The following FRAS1 variants were observed in gnomAD, a reference collection of about 807,000 sequenced individuals.
FRAS1 encodes the protein Fraser extracellular matrix complex subunit 1.
FRAS1 carries 290 observed loss-of-function variants against 435.2 expected under a neutral mutation model. The observed-to-expected ratio is 0.67, with a 90% CI of 0.61 to 0.73. FRAS1 has a LOEUF of 0.73. Ranked by LOEUF, FRAS1 falls within the 30% of genes least tolerant of loss-of-function variation. FRAS1 has a pLI of 0.00. For synonymous variants in FRAS1, 1,800 were observed against 1,851.0 expected, an observed-to-expected ratio of 0.97 and a Z score of 0.71; for missense variants, 4,860 against 5,001.5, an observed-to-expected ratio of 0.97 and a Z score of 0.85.
intron 2 of FRAS1, among the ~76,000 whole-genome samples, chr4:78,122,302 T>G (rs185715213): frequency 7.2e-5 from 11 of 152,280 alleles, no homozygotes; most frequent in East Asian, 5.8e-4. Flanking sequence ...CAAAGGACAT[T>G]AACTCATCCT....
chr4:78,478,248 C>T (rs1310926636), intron 55 of FRAS1, among the ~76,000 whole-genome samples, 187 bp downstream of exon 55: 17 of 152,154 alleles, frequency 1.1e-4, no homozygotes, highest in Admixed American at 1.1e-3. Flanking sequence ...CATCAGAAAG[C>T]CTCTTTTCTT....
In FRAS1 at chr4:78,499,670, T is replaced by C. The variant is rs1720616577; in HGVS notation, c.9116-51T>C. 2.0e-6 allele frequency: 3 copies of C among 1,519,740 alleles called. No individual in the cohort carries two copies. The South Asian group carries it at 3.6e-5, about 18-fold the overall frequency. The allele number at this position is 1,519,740 out of a possible 1,614,324, so 94.1% of individuals were successfully genotyped here. A position where few individuals can be genotyped will look rare whatever the true frequency, so the allele number is the denominator to read the frequency against. ...TAAGGTGTTTTCCTGGGAGTCTGAA[T>C]CCTTTGTGCTATTCTAACTGGCTCT... On this transcript the variant is annotated intron_variant, in intron 60 of 73. Transcript: ENST00000512123.
chr4:78,218,789 G>A (rs1449393958), intron 2 of FRAS1, among the ~76,000 whole-genome samples: 1 of 152,206 alleles, frequency 6.6e-6, no homozygotes, highest in African/African-American at 2.4e-5. Flanking sequence ...TTGTTTGGGA[G>A]ATTAGTGAGA....
intron 6 of FRAS1, among the ~76,000 whole-genome samples, chr4:78,260,575 G>A (rs546382791): frequency 6.6e-6 from 1 of 151,898 alleles, no homozygotes; most frequent in East Asian, 1.9e-4. Context: ...CTTTGCTGAA[G>A]TTGCTTATCA....
intron 56 of FRAS1, 142 bp from the exon 57 acceptor site, chr4:78,481,662 G>A: frequency 1.2e-6 from 1 of 849,550 alleles, no homozygotes; most frequent in Non-Finnish European, 1.9e-6. Context: ...ATGGGCCATA[G>A]GAGCATCACT....
chr4:78,358,413 T>C (rs1482109484), intron 20 of FRAS1, among the ~76,000 whole-genome samples: 1 of 152,194 alleles, frequency 6.6e-6, no homozygotes, highest in Non-Finnish European at 1.5e-5. Flanking sequence ...ATTTATAATA[T>C]CAATTAAGAA....
At chr4:78,477,038 A>G (rs1719873228) in intron 54 of FRAS1, among the ~76,000 whole-genome samples, 1 of 151,626 alleles carries the variant, frequency 6.6e-6, no homozygotes, top group Admixed American at 6.6e-5. Context: ...CTATAAGTTC[A>G]CAATTGTGTA....
intron 2 of FRAS1, among the ~76,000 whole-genome samples, chr4:78,231,629 A>C (rs1211253468): frequency 6.6e-6 from 1 of 152,118 alleles, no homozygotes; most frequent in Non-Finnish European, 1.5e-5. Flanking sequence ...GATGAAAGAA[A>C]ATTTATGTTG....
At chr4:78,263,500 G>T (rs1487493150) in intron 6 of FRAS1, among the ~76,000 whole-genome samples, 1 of 152,188 alleles carries the variant, frequency 6.6e-6, no homozygotes, top group Non-Finnish European at 1.5e-5. Context: ...ATAGATTGAT[G>T]CTAACTCTAT....
At chr4:78,463,908 A>G in intron 47 of FRAS1, 113 bp from the exon 48 acceptor site, 2 of 1,189,138 alleles carry the variant, frequency 1.7e-6, no homozygotes, top group Non-Finnish European at 2.4e-6. Context: ...TAAATGCTAT[A>G]AGAAAAATAC....
Position 78,057,968 on chromosome 4 carries a change from T to A in FRAS1, c.-42T>A. 6.3e-7 allele frequency: 1 copy of A among 1,594,656 alleles called. No homozygotes were observed. The highest frequency in any genetic ancestry group is 8.6e-7 in the Non-Finnish European group (1 of 1,163,286). On this transcript the variant is annotated 5_prime_UTR_variant, in exon 1 of 74. An upstream start codon of the reference 5' UTR is lost. Transcript: ENST00000512123. This position sits in a 1 kb window ranked among gnomAD's most constrained non-coding sequence, Gnocchi z 4.2. ...CGTTTTGGCGGAGCCGCTTCTTGGATGCTGAAGGCTGGGCTCCTCCATCGT... is the reference window on the plus strand; with the variant it reads ...CGTTTTGGCGGAGCCGCTTCTTGGAAGCTGAAGGCTGGGCTCCTCCATCGT...
At chr4:78,306,140 A>G (rs1728699560) in intron 14 of FRAS1, among the ~76,000 whole-genome samples, 1 of 152,120 alleles carries the variant, frequency 6.6e-6, no homozygotes, top group African/African-American at 2.4e-5. Flanking sequence ...TTGGCTAGAT[A>G]TGAAATTCTG....
chr4:78,498,373 G>A (rs561794273), intron 60 of FRAS1, among the ~76,000 whole-genome samples: 5 of 152,258 alleles, frequency 3.3e-5, no homozygotes, highest in African/African-American at 9.6e-5. Context: ...AGGCGTGGTG[G>A]CATGCGCCTG....
intron 2 of FRAS1, among the ~76,000 whole-genome samples, chr4:78,184,230 A>C (rs1722177942): frequency 6.6e-6 from 1 of 152,208 alleles, no homozygotes; most frequent in South Asian, 2.1e-4. Flanking sequence ...TAATATTAAA[A>C]GATTTATTAC....
intron 69 of FRAS1, among the ~76,000 whole-genome samples, chr4:78,525,187 A>G (rs1721492477): frequency 6.6e-6 from 1 of 152,198 alleles, no homozygotes; most frequent in African/African-American, 2.4e-5. Context: ...GAGAGCCCCT[A>G]CAGGGTTTGA....
intron 28 of FRAS1, among the ~76,000 whole-genome samples, chr4:78,386,848 C>T (rs1732235935): frequency 6.6e-6 from 1 of 152,100 alleles, no homozygotes; most frequent in Admixed American, 6.5e-5. Context: ...CTCACCTAGA[C>T]CATAATCTTG....
chr4:78,536,191 ATTTTTTT>A (rs11355997), intron 71 of FRAS1, among the ~76,000 whole-genome samples: 1 of 103,986 alleles, frequency 9.6e-6, no homozygotes, highest in Admixed American at 1.0e-4. Flanking sequence ...TTGTACATGG[ATTTTTTT>A]TTTTTTTTTT....
chr4:78,419,774 A>C (rs1240260480), intron 33 of FRAS1, among the ~76,000 whole-genome samples: 2 of 152,182 alleles, frequency 1.3e-5, no homozygotes, highest in East Asian at 3.8e-4. Context: ...AGGCCTCAGG[A>C]AACTTACAAT....
intron 30 of FRAS1, among the ~76,000 whole-genome samples, 169 bp downstream of exon 30, chr4:78,401,056 C>T (rs77094229): frequency 0.079 from 11,989 of 152,216 alleles, 660 homozygotes; most frequent in Non-Finnish European, 0.12. Context: ...ACACTCAACA[C>T]ATTTACTAGG....
Sources: allele counts gnomAD v4.1 joint callset (sites outside exome capture counted in the v4.1 genomes callset), GRCh38; gene constraint gnomAD v4.1.1; non-coding constraint Gnocchi (gnomAD v3.1); transcripts MANE v1.5; gene names NCBI Gene and HGNC (gene_info 2026-07-23, HGNC 2026-07-21).